DPY19L3: variants seen among roughly 807,000 people sequenced by gnomAD.
DPY19L3 encodes the protein dpy-19 like C-mannosyltransferase 3.
In DPY19L3, 51 loss-of-function variants were observed where a neutral mutation model predicts 92.3. The observed-to-expected ratio is 0.55, with a 90% CI of 0.44 to 0.70. The LOEUF is 0.70. Ranked by LOEUF, DPY19L3 falls within the 30% of genes least tolerant of loss-of-function variation. The pLI is 0.00. For missense variants in DPY19L3, 706 were observed against 855.9 expected (o/e 0.82, Z 2.18); for synonymous variants, 309 against 315.2 (o/e 0.98, Z 0.21).
At chr19:32,412,035 C>T (rs950698333) in intron 3 of DPY19L3, 1 of 152,184 alleles carries the variant, frequency 6.6e-6, no homozygotes, top group Non-Finnish European at 1.5e-5. Context: ...CACCACCTCA[C>T]CAAGCTAAAT....
In DPY19L3 at chr19:32,431,084, A is replaced by C. The variant is rs145483022; in HGVS notation, c.238-1632A>C. 2.4e-3 allele frequency among the ~76,000 whole-genome samples: 360 copies of C among 152,244 alleles called. 2 individuals are homozygous for C. The highest frequency in any genetic ancestry group is 7.9e-3 in the African/African-American group (329 of 41,556). ...GTTTGTGGAATGTGAATCTGCTATA[A>C]TATGAAAAAGCATGGCCGGGTGCAG... On this transcript the variant is annotated intron_variant, in intron 3 of 18. Transcript: ENST00000392250.
At chr19:32,416,514 C>G (rs1968383628) in intron 3 of DPY19L3, among the ~76,000 whole-genome samples, 1 of 152,252 alleles carries the variant, frequency 6.6e-6, no homozygotes, top group Admixed American at 6.5e-5. Context: ...GCTACAAATT[C>G]TGAGGTTCCC....
At chr19:32,434,916 T>C (rs1424476456) in intron 4 of DPY19L3, among the ~76,000 whole-genome samples, 3 of 152,220 alleles carry the variant, frequency 2.0e-5, no homozygotes, top group African/African-American at 7.2e-5. Context: ...GGCCCATAAC[T>C]GTCCAACTCT....
At position 32,458,371 on chromosome 19, in the gene DPY19L3, A is replaced by G. The variant is rs1969933557; in HGVS notation, c.1184A>G (p.Tyr395Cys). 1 of 1,612,426 alleles carries G rather than the reference A, an allele frequency of 6.2e-7. No homozygotes were observed. The highest frequency in any genetic ancestry group is 1.3e-5 in the African/African-American group (1 of 74,850). The change falls in exon 12 of 19, where the codon TAT becomes TGT. Residue 395 changes from tyrosine (Y) to cysteine (C), a missense_variant. Physicochemically the swap from Tyr to Cys is radical, Grantham distance 194. Transcript: ENST00000392250. ...GATRDFDANL[Y>C]LCEEAFGLLP... Reference sequence around the variant, plus strand: ...CCTAGGGATTTTGATGCAAATCTCTATCTGTGTGAAGAAGCTTTTGGCCTC... The same window carrying G: ...CCTAGGGATTTTGATGCAAATCTCTGTCTGTGTGAAGAAGCTTTTGGCCTC...
chr19:32,444,589 A>G (rs1466989816), intron 8 of DPY19L3, among the ~76,000 whole-genome samples: 1 of 152,236 alleles, frequency 6.6e-6, no homozygotes, highest in Non-Finnish European at 1.5e-5. Flanking sequence ...AATTTCCTCA[A>G]ATTTGGCAAA....
At chr19:32,413,850 C>T (rs905304806) in intron 3 of DPY19L3, among the ~76,000 whole-genome samples, 1 of 151,978 alleles carries the variant, frequency 6.6e-6, no homozygotes, top group East Asian at 1.9e-4. Context: ...CTTAGCCTCC[C>T]GAGTAGCTGG....
intron 3 of DPY19L3, among the ~76,000 whole-genome samples, chr19:32,432,100 A>G (rs908339239): frequency 7.9e-5 from 12 of 152,178 alleles, no homozygotes; most frequent in Non-Finnish European, 1.0e-4. Context: ...ATTGTTGCCC[A>G]TTGCTTCTGT....
At chr19:32,472,127 A>T (rs1970376118) in intron 16 of DPY19L3, among the ~76,000 whole-genome samples, 2 of 152,216 alleles carry the variant, frequency 1.3e-5, no homozygotes, top group Non-Finnish European at 2.9e-5. Flanking sequence ...TCAGTGGCTT[A>T]GCAAGTTCAG....
In DPY19L3 at chr19:32,433,034, A is replaced by G. The variant is rs573542134; in HGVS notation, c.328+228A>G. On this transcript the variant is annotated intron_variant, in intron 4 of 18. Transcript: ENST00000392250. ...CCAGCTCTGTTCCATCCCAAAAGTA[A>G]TATCTTTGCAATTTCATGGTTTTGT... Among the ~76,000 whole-genome samples the G allele has an allele frequency of 9.2e-5, 14 of 152,246 alleles. 1 individual carries two copies. The South Asian group carries it at 2.1e-3, about 23-fold the overall frequency.
chr19:32,409,913 T>C (rs28562777), intron 2 of DPY19L3, among the ~76,000 whole-genome samples: 29,027 of 152,058 alleles, frequency 0.19, 2,904 homozygotes, highest in African/African-American at 0.25. Flanking sequence ...TCATGAGATT[T>C]GGAGGGGCCG....
At chr19:32,445,240 G>A (rs1969452797) in intron 8 of DPY19L3, among the ~76,000 whole-genome samples, 2 of 151,438 alleles carry the variant, frequency 1.3e-5, no homozygotes, top group Non-Finnish European at 2.9e-5. Context: ...AGGAGATAGA[G>A]ACCATCCTGG....
At chr19:32,469,670 T>A (rs1970298249) in intron 16 of DPY19L3, among the ~76,000 whole-genome samples, 1 of 152,190 alleles carries the variant, frequency 6.6e-6, no homozygotes, top group Non-Finnish European at 1.5e-5. Flanking sequence ...CCTGGAACTT[T>A]CCGTCTTGAA....
At chr19:32,416,403 C>T (rs2145415163) in intron 3 of DPY19L3, among the ~76,000 whole-genome samples, 1 of 152,274 alleles carries the variant, frequency 6.6e-6, no homozygotes, top group Middle Eastern at 3.4e-3. Context: ...TAGGCCAAAC[C>T]CCACAGGATG....
At chr19:32,463,022 A>ATT (rs1296106384) in intron 12 of DPY19L3, among the ~76,000 whole-genome samples, 2 of 152,058 alleles carry the variant, frequency 1.3e-5, no homozygotes, top group Admixed American at 1.3e-4. Flanking sequence ...AATACTCATA[A>ATT]TAACTGGTAA....
chr19:32,466,053 G>T (rs1183729310), intron 15 of DPY19L3, among the ~76,000 whole-genome samples: 2 of 152,166 alleles, frequency 1.3e-5, no homozygotes, highest in Admixed American at 1.3e-4. Context: ...AAGATGTACC[G>T]AACAATAACC....
intron 15 of DPY19L3, among the ~76,000 whole-genome samples, chr19:32,466,975 TCA>T (rs1970220437): frequency 6.6e-6 from 1 of 152,228 alleles, no homozygotes; most frequent in Admixed American, 6.5e-5. Flanking sequence ...AAGCCTGATT[TCA>T]GTTTTACATT....
At chr19:32,468,001 C>G in intron 15 of DPY19L3, 1 of 984,878 alleles carries the variant, frequency 1.0e-6, no homozygotes, top group South Asian at 4.7e-5. Flanking sequence ...TATTCTCTTT[C>G]ATTGTACCAG....
chr19:32,417,351 G>A (rs189405906), intron 3 of DPY19L3, among the ~76,000 whole-genome samples: 154 of 152,262 alleles, frequency 1.0e-3, no homozygotes, highest in Non-Finnish European at 1.8e-3. Flanking sequence ...ACGGAGTCTC[G>A]CTCTGTCGTC....
At chr19:32,426,287 A>G (rs953370024) in intron 3 of DPY19L3, among the ~76,000 whole-genome samples, 1 of 152,110 alleles carries the variant, frequency 6.6e-6, no homozygotes, top group Non-Finnish European at 1.5e-5. Context: ...AGATGATTTG[A>G]TTTTCCATCA....
Sources: gnomAD v4.1 joint callset for allele counts (sites outside exome capture counted in the v4.1 genomes callset) on GRCh38, gnomAD v4.1.1 for gene constraint, MANE v1.5 for transcripts, NCBI Gene and HGNC (gene_info 2026-07-23, HGNC 2026-07-21) for gene names.